The following MAPK4 variants were observed in gnomAD, a reference collection of about 807,000 sequenced individuals.
MAPK4 encodes Erk3-related.
A neutral mutation model predicts 47.7 loss-of-function variants in MAPK4; 22 were observed. That is an observed-to-expected ratio of 0.46 (90% CI 0.33 to 0.66). The LOEUF (loss-of-function observed/expected upper bound fraction) is 0.66. Among genes scored for constraint, MAPK4 ranks in the 30% least tolerant of loss-of-function variants. MAPK4 has a pLI of 0.02. For missense variants in MAPK4, 736 were observed against 831.7 expected, an observed-to-expected ratio of 0.88 and a Z score of 1.42; for synonymous variants, 390 against 365.7, an observed-to-expected ratio of 1.07 and a Z score of -0.76.
At chr18:50,698,017 C>G (rs1221426629) in intron 2 of MAPK4, among the ~76,000 whole-genome samples, 1 of 152,186 alleles carries the variant, frequency 6.6e-6, no homozygotes, top group East Asian at 1.9e-4. Flanking sequence ...TACTCTTCTC[C>G]CCTGAAATCA....
At chr18:50,635,831 A>G (rs900497117) in intron 1 of MAPK4, among the ~76,000 whole-genome samples, 2 of 152,056 alleles carry the variant, frequency 1.3e-5, no homozygotes, top group African/African-American at 4.8e-5. Context: ...TCTAGGCCCC[A>G]TGGTTCGGTC....
chr18:50,720,015 T>A (rs532490543), intron 3 of MAPK4, among the ~76,000 whole-genome samples: 2 of 152,256 alleles, frequency 1.3e-5, no homozygotes, highest in South Asian at 4.1e-4. Flanking sequence ...CCTCCCCTTA[T>A]TGCAAGAGAG....
intron 1 of MAPK4, among the ~76,000 whole-genome samples, chr18:50,571,362 G>A (rs1460511475): frequency 2.0e-5 from 3 of 152,114 alleles, no homozygotes; most frequent in Admixed American, 6.5e-5. Flanking sequence ...GATTGTGACC[G>A]AGCCTTTGGA....
At chr18:50,628,405 C>T (rs1386963265) in intron 1 of MAPK4, among the ~76,000 whole-genome samples, 1 of 152,170 alleles carries the variant, frequency 6.6e-6, no homozygotes, top group East Asian at 1.9e-4. Context: ...CCCTTGAAAT[C>T]CTTGCAGGGT....
intron 2 of MAPK4, among the ~76,000 whole-genome samples, chr18:50,692,550 C>G (rs1034419641): frequency 6.6e-6 from 1 of 152,144 alleles, no homozygotes; most frequent in African/African-American, 2.4e-5. Context: ...AAGGAAACAA[C>G]AGTGTTGATT....
At chr18:50,695,579 A>G (rs947875607) in intron 2 of MAPK4, among the ~76,000 whole-genome samples, 13 of 152,150 alleles carry the variant, frequency 8.5e-5, no homozygotes, top group Middle Eastern at 6.8e-3. Context: ...TTAAAGAGGG[A>G]GGGAGGAGGA....
intron 1 of MAPK4, among the ~76,000 whole-genome samples, chr18:50,562,361 C>T (rs190105323): frequency 1.4e-3 from 205 of 150,972 alleles, no homozygotes; most frequent in Non-Finnish European, 2.1e-3. Flanking sequence ...ATATCACCCT[C>T]TTGTTTCTAA....
intron 1 of MAPK4, among the ~76,000 whole-genome samples, chr18:50,586,088 G>A (rs2042385482): frequency 6.6e-6 from 1 of 152,160 alleles, no homozygotes; most frequent in African/African-American, 2.4e-5. Flanking sequence ...AACAAGGTGA[G>A]GATACCTGCT....
intron 2 of MAPK4, among the ~76,000 whole-genome samples, chr18:50,679,263 C>A (rs778703049): frequency 1.1e-4 from 16 of 152,158 alleles, no homozygotes; most frequent in Non-Finnish European, 2.4e-4. Flanking sequence ...GGGTGTGCTT[C>A]CGTGCAGGTC....
chr18:50,581,653 G>A (rs747994781), intron 1 of MAPK4, among the ~76,000 whole-genome samples: 8 of 152,344 alleles, frequency 5.3e-5, no homozygotes, highest in Admixed American at 1.3e-4. Flanking sequence ...CAGGTGAGCA[G>A]AAGAGTTGAG....
chr18:50,594,941 T>A (rs965947), intron 1 of MAPK4, among the ~76,000 whole-genome samples: 151,816 of 152,354 alleles, frequency 1, 75,643 homozygotes, highest in East Asian at 1. Context: ...TGATCTACAA[T>A]TGGCCAGTCA....
chr18:50,662,685 CT>C (rs1315532254), intron 1 of MAPK4, among the ~76,000 whole-genome samples: 2 of 152,238 alleles, frequency 1.3e-5, no homozygotes, highest in Non-Finnish European at 2.9e-5. Flanking sequence ...AGTATCGATC[CT>C]TTGTTTTCTG....
At chr18:50,699,321 T>C (rs535862494) in intron 2 of MAPK4, among the ~76,000 whole-genome samples, 1 of 152,336 alleles carries the variant, frequency 6.6e-6, no homozygotes, top group African/African-American at 2.4e-5. Flanking sequence ...GCTTTTTCTT[T>C]AAAACCAGGA....
chr18:50,728,215 G>T (rs1472703107), intron 5 of MAPK4, among the ~76,000 whole-genome samples: 3 of 152,234 alleles, frequency 2.0e-5, no homozygotes, highest in East Asian at 1.9e-4. Flanking sequence ...ACAACCCCAG[G>T]GTTCTAGGTA....
chr18:50,710,839 C>T (rs1441254747), intron 2 of MAPK4, among the ~76,000 whole-genome samples: 2 of 151,842 alleles, frequency 1.3e-5, no homozygotes, highest in African/African-American at 4.8e-5. Flanking sequence ...TCATCATACC[C>T]CTAAGGGATT....
chr18:50,728,126 C>T (rs1330238674), intron 5 of MAPK4, among the ~76,000 whole-genome samples: 1 of 152,210 alleles, frequency 6.6e-6, no homozygotes, highest in Non-Finnish European at 1.5e-5. Context: ...CCGAATCTGC[C>T]TCTCCTTGGT....
In MAPK4 at chr18:50,729,698, G is replaced by C; in HGVS notation, c.1608G>C (p.Gln536His). 6.4e-7 allele frequency: 1 copy of C among 1,560,588 alleles called. No individual in the cohort carries two copies. The highest frequency in any genetic ancestry group is 8.7e-7 in the Non-Finnish European group (1 of 1,153,376). Residue 536 changes from glutamine (Q) to histidine (H), a missense_variant, in exon 6 of 6, where the codon CAG becomes CAC. Around this residue, in one of 3 missense-constraint regions of MAPK4, gnomAD observed 377 missense variants for 378.6 expected, o/e 1.00. Coordinates refer to ENST00000400384, the MANE Select transcript of MAPK4 (RefSeq NM_002747.4). Reference sequence around the variant, plus strand: ...CGGTGGACGGCGGCGCCAGCCCCCAGTTCGACCTGGACGTGTTCATCTCCC... The same window carrying C: ...CGGTGGACGGCGGCGCCAGCCCCCACTTCGACCTGGACGTGTTCATCTCCC... ...PAPVDGGASPQFDLDVFISRA... is the reference protein window; with the variant it reads ...PAPVDGGASPHFDLDVFISRA...
chr18:50,670,863 G>A (rs554816646), intron 2 of MAPK4, among the ~76,000 whole-genome samples: 4 of 152,242 alleles, frequency 2.6e-5, no homozygotes, highest in African/African-American at 9.6e-5. Flanking sequence ...AGATTCCCAG[G>A]TTCCATCTCA....
intron 1 of MAPK4, among the ~76,000 whole-genome samples, chr18:50,651,263 G>A (rs553301529): frequency 7.2e-5 from 11 of 152,212 alleles, no homozygotes; most frequent in South Asian, 4.2e-4. Flanking sequence ...TGTCCACTCC[G>A]CACCCAGTCG....
Sources: allele counts gnomAD v4.1 joint callset (sites outside exome capture counted in the v4.1 genomes callset), GRCh38; gene constraint gnomAD v4.1.1; regional missense constraint gnomAD v4.1.1; transcripts MANE v1.5; gene names NCBI Gene and HGNC (gene_info 2026-07-23, HGNC 2026-07-21).